The following MCTP2 variants were observed in gnomAD, a reference collection of about 807,000 sequenced individuals.
The protein encoded by MCTP2 is multiple C2 and transmembrane domain containing 2, also known as multiple C2 and transmembrane domain-containing protein 2.
Under a neutral mutation model 111.6 loss-of-function variants are expected in MCTP2, and 132 were observed. The ratio of observed to expected loss-of-function variants is 1.18; its 90% CI spans 1.03 to 1.37. The LOEUF (loss-of-function observed/expected upper bound fraction) is 1.37, where lower values mean the gene tolerates loss of function less well. MCTP2 is among the 40% of genes most tolerant of loss of function. The pLI, the probability that MCTP2 is intolerant of heterozygous loss-of-function variation, is 0.00. For synonymous variants in MCTP2, 395 were observed against 387.7 expected, an observed-to-expected ratio of 1.02 and a Z score of -0.22; for missense variants, 1,183 against 1,067.9, an observed-to-expected ratio of 1.11 and a Z score of -1.50.
At chr15:94,325,811 G>A (rs1196401416) in intron 4 of MCTP2, among the ~76,000 whole-genome samples, 3 of 89,256 alleles carry the variant, frequency 3.4e-5, no homozygotes, top group South Asian at 3.8e-4. Context: ...CCATCGCTCC[G>A]ATTTTTTTTT....
chr15:94,235,946 T>C (rs1355665722), intron 1 of MCTP2, among the ~76,000 whole-genome samples: 1 of 152,228 alleles, frequency 6.6e-6, no homozygotes, highest in Non-Finnish European at 1.5e-5. Context: ...GTTAAGAAAT[T>C]TTTCATTAGA....
chr15:94,474,937 G>A (rs2074234968), intron 21 of MCTP2, among the ~76,000 whole-genome samples: 1 of 151,716 alleles, frequency 6.6e-6, no homozygotes. Flanking sequence ...GAGCTACTGT[G>A]CAGGTTTATA....
At chr15:94,398,700 A>G (rs904102658) in intron 14 of MCTP2, among the ~76,000 whole-genome samples, 1 of 152,238 alleles carries the variant, frequency 6.6e-6, no homozygotes, top group Non-Finnish European at 1.5e-5. Context: ...GGAAATATGT[A>G]ACTTATGATT....
At chr15:94,245,505 T>A (rs1000203466) in intron 1 of MCTP2, among the ~76,000 whole-genome samples, 1 of 141,032 alleles carries the variant, frequency 7.1e-6, no homozygotes, top group Non-Finnish European at 1.5e-5. Context: ...TATTTATATA[T>A]GTATACATAT....
chr15:94,436,329 T>G (rs894287893), intron 17 of MCTP2, among the ~76,000 whole-genome samples: 1 of 152,220 alleles, frequency 6.6e-6, no homozygotes, highest in Non-Finnish European at 1.5e-5. Flanking sequence ...TTACAACTCT[T>G]TCTTTCTTTG....
rs190434632 is a variant in MCTP2 at position 94,309,551 on chromosome 15, A to G, written c.466-4731A>G. Among the ~76,000 whole-genome samples, 13 of 152,304 alleles carry G rather than the reference A, an allele frequency of 8.5e-5. No individual in the cohort carries two copies. In the East Asian group the frequency reaches 2.5e-3, roughly 29 times the overall value. On this transcript the variant is annotated intron_variant, in intron 2 of 22. Transcript: ENST00000357742. ...ATAGTAAGACCCTTCAGACAGCCACATGGGAGATGGTATTCGTACAGGATC... is the reference window on the plus strand; with the variant it reads ...ATAGTAAGACCCTTCAGACAGCCACGTGGGAGATGGTATTCGTACAGGATC...
chr15:94,257,569 GTTTTTTTTTTTTTTTT>G (rs760633548), intron 1 of MCTP2, among the ~76,000 whole-genome samples: 19 of 33,860 alleles, frequency 5.6e-4, no homozygotes, highest in East Asian at 3.9e-3. Context: ...TTTCTTTGTT[GTTTTTTTTTTTTTTTT>G]TTTTTTTTTT....
intron 2 of MCTP2, among the ~76,000 whole-genome samples, chr15:94,308,910 C>T (rs1207759742): frequency 1.3e-5 from 2 of 152,192 alleles, no homozygotes; most frequent in Non-Finnish European, 2.9e-5. Flanking sequence ...TTTATACCAT[C>T]ATATGCTTGA....
intron 4 of MCTP2, among the ~76,000 whole-genome samples, chr15:94,325,462 C>T (rs2076819822): frequency 6.6e-6 from 1 of 152,082 alleles, no homozygotes; most frequent in African/African-American, 2.4e-5. Context: ...GCTTATCTTC[C>T]CAGTTTCCTC....
intron 2 of MCTP2, among the ~76,000 whole-genome samples, chr15:94,300,100 G>A (rs12592394): frequency 0.12 from 17,533 of 152,014 alleles, 1,263 homozygotes; most frequent in East Asian, 0.26. Context: ...GTTAATCTTC[G>A]TCTTTTTTTT....
At chr15:94,431,783 C>T (rs2083196813) in intron 17 of MCTP2, among the ~76,000 whole-genome samples, 1 of 151,890 alleles carries the variant, frequency 6.6e-6, no homozygotes, top group Non-Finnish European at 1.5e-5. Context: ...TGTGTTTTCC[C>T]CCTCTAAATT....
rs1046959526 is a variant in MCTP2, at chr15:94,482,576, A to C, written c.*3542A>C. 6.6e-6 allele frequency: 1 copy of C among 152,220 alleles called. No homozygotes were observed. Among genetic ancestry groups the C allele is most frequent in the Non-Finnish European group, 1.5e-5 (1 of 68,048 alleles). 9.4% of individuals were successfully genotyped at this position (152,220 alleles called of 1,614,324 possible). Reference sequence around the variant, plus strand: ...TAGCGCTGAATCTCAGGTGACTGAAAAGCATCCAAATAGGAATGTCAGCAA... The same window carrying C: ...TAGCGCTGAATCTCAGGTGACTGAACAGCATCCAAATAGGAATGTCAGCAA... On this transcript the variant is annotated 3_prime_UTR_variant, in exon 23 of 23. Coordinates refer to ENST00000357742, the MANE Select transcript of MCTP2 (RefSeq NM_001385001.1).
chr15:94,340,906 G>A lies in MCTP2; in HGVS notation c.951G>A (p.Gln317=). Residue 317 remains glutamine (Q), a synonymous_variant, in exon 7 of 23, where the codon CAG becomes CAA. Coordinates refer to ENST00000357742, the MANE Select transcript of MCTP2 (RefSeq NM_001385001.1). ...IVLNLNLVVK[Q]GDFKRHRWSN... ...TAAATTTGAACCTAGTGGTAAAACA[G>A]GGTGATTTCAAGAGACACGTAAGTG... The A allele has an allele frequency of 6.2e-7, 1 of 1,609,096 alleles. No homozygotes were observed. The highest frequency in any genetic ancestry group is 8.5e-7 in the Non-Finnish European group (1 of 1,175,606).
At chr15:94,434,052 T>G (rs1050114703) in intron 17 of MCTP2, among the ~76,000 whole-genome samples, 14 of 152,298 alleles carry the variant, frequency 9.2e-5, no homozygotes, top group African/African-American at 3.4e-4. Flanking sequence ...TTCATTTCCT[T>G]TCAAAGAGCA....
intron 2 of MCTP2, among the ~76,000 whole-genome samples, chr15:94,305,165 C>A (rs986079429): frequency 2.0e-5 from 3 of 152,150 alleles, no homozygotes; most frequent in African/African-American, 7.2e-5. Flanking sequence ...AGGTCAGAAG[C>A]ATGGAGCCCT....
At chr15:94,261,983 TAATC>T (rs2073213706) in intron 1 of MCTP2, among the ~76,000 whole-genome samples, 2 of 152,170 alleles carry the variant, frequency 1.3e-5, no homozygotes, top group African/African-American at 4.8e-5. Flanking sequence ...ATATTGCAAT[TAATC>T]TAATTAGACA....
chr15:94,278,517 T>C (rs993423230), intron 1 of MCTP2, among the ~76,000 whole-genome samples: 11 of 152,180 alleles, frequency 7.2e-5, no homozygotes, highest in Admixed American at 5.9e-4. Flanking sequence ...TTTAGAGCTT[T>C]CCTAGAAAAA....
At chr15:94,340,716 C>T (rs2077590729) in intron 6 of MCTP2, 97 bp from the exon 7 acceptor site, 2 of 672,518 alleles carry the variant, frequency 3.0e-6, no homozygotes, top group South Asian at 2.2e-5. Context: ...AATCCTTATT[C>T]AGAGGTAGGA....
chr15:94,261,992 T>C (rs1422991550), intron 1 of MCTP2, among the ~76,000 whole-genome samples: 1 of 152,200 alleles, frequency 6.6e-6, no homozygotes, highest in East Asian at 1.9e-4. Context: ...TTAATCTAAT[T>C]AGACAAATAT....
Sources: gnomAD v4.1 joint callset for allele counts (sites outside exome capture counted in the v4.1 genomes callset) on GRCh38, gnomAD v4.1.1 for gene constraint, MANE v1.5 for transcripts, NCBI Gene and HGNC (gene_info 2026-07-23, HGNC 2026-07-21) for gene names.